Variants in HAUS6 observed in about 807,000 individuals in gnomAD.
HAUS6 encodes the protein HAUS augmin-like complex subunit 6.
Under a neutral mutation model 106.8 loss-of-function variants are expected in HAUS6, and 80 were observed. The observed-to-expected ratio is 0.75, with a 90% CI of 0.63 to 0.90. The LOEUF is 0.90. Among genes scored for constraint, HAUS6 ranks in the 40% least tolerant of loss-of-function variants. The pLI is 0.00. For missense variants in HAUS6, 1,155 were observed against 1,118.1 expected, an observed-to-expected ratio of 1.03 and a Z score of -0.47; for synonymous variants, 356 against 379.1, an observed-to-expected ratio of 0.94 and a Z score of 0.71.
Position 19,096,693 on chromosome 9 carries a change from G to T in HAUS6, c.205C>A (p.Leu69Ile). The T allele has an allele frequency of 6.7e-7, 1 of 1,488,702 alleles. No individual in the cohort carries two copies. The highest frequency in any genetic ancestry group is 9.1e-7 in the Non-Finnish European group (1 of 1,093,016). The allele number at this position is 1,488,702 out of a possible 1,614,324, so 92.2% of individuals were successfully genotyped here. A position where few individuals can be genotyped will look rare whatever the true frequency, so the allele number is the denominator to read the frequency against. ...CCTTACTTGAAAACTTCTTTGGTGA[G>T]AGACTGGTCCAGAACTTGAAACAAA... ...YFLFQVLDQS[L>I]TKEVFKFCWP... is the part of the protein sequence containing the mutation. The change falls in exon 2 of 17, where the codon CTC (leucine) becomes ATC (isoleucine). Residue 69 changes from leucine to isoleucine, a missense_variant. By Grantham distance (5) the Leu-to-Ile change is conservative (BLOSUM62 2). Around this residue, in one of 3 missense-constraint regions of HAUS6, gnomAD observed 761 missense variants for 690.0 expected, o/e 1.10. Coordinates refer to ENST00000380502, the MANE Select transcript of HAUS6 (RefSeq NM_017645.5).
chr9:19,082,726 G>A, intron 8 of HAUS6, 147 bp downstream of exon 8: 1 of 474,174 alleles, frequency 2.1e-6, no homozygotes, highest in East Asian at 3.7e-5. Flanking sequence ...ACTCCAGCCT[G>A]GGCAATAAGA....
chr9:19,077,857 T>C (rs1837045085), intron 10 of HAUS6, among the ~76,000 whole-genome samples: 2 of 151,954 alleles, frequency 1.3e-5, no homozygotes, highest in South Asian at 4.1e-4. Flanking sequence ...GCCCAGGAGT[T>C]TGAGACCAGC....
At chr9:19,092,178 C>A (rs1477473361) in intron 4 of HAUS6, among the ~76,000 whole-genome samples, 2 of 151,716 alleles carry the variant, frequency 1.3e-5, no homozygotes. Flanking sequence ...CAGTTGTCGC[C>A]GGGCACGGTG....
intron 9 of HAUS6, among the ~76,000 whole-genome samples, chr9:19,079,363 C>T (rs1348491535): frequency 1.3e-5 from 2 of 151,118 alleles, no homozygotes; most frequent in Non-Finnish European, 2.9e-5. Context: ...TACTAAGTAG[C>T]TGGGATTACA....
chr9:19,061,430 C>T (rs1252851491), intron 14 of HAUS6, among the ~76,000 whole-genome samples: 1 of 152,094 alleles, frequency 6.6e-6, no homozygotes, highest in East Asian at 1.9e-4. Flanking sequence ...GTAAAAAATA[C>T]TAACCATCTT....
intron 9 of HAUS6, among the ~76,000 whole-genome samples, chr9:19,078,518 T>G (rs1837061906): frequency 6.6e-6 from 1 of 152,154 alleles, no homozygotes; most frequent in African/African-American, 2.4e-5. Flanking sequence ...CCGGGGGCAG[T>G]GTCTCATGCC....
chr9:19,080,401 C>A, intron 9 of HAUS6, 78 bp downstream of exon 9: 1 of 841,190 alleles, frequency 1.2e-6, no homozygotes, highest in South Asian at 1.4e-5. Context: ...AGCTGAAGAG[C>A]TATTAAACTT....
At chr9:19,057,598 A>T (rs1423104158) in intron 16 of HAUS6, 2 of 242,834 alleles carry the variant, frequency 8.2e-6, no homozygotes, top group East Asian at 1.6e-4. Context: ...CCACCCCCAG[A>T]TATTACACCA....
At chr9:19,087,228 T>C (rs1837319946) in intron 5 of HAUS6, 72 bp from the exon 6 acceptor site, 1 of 866,654 alleles carries the variant, frequency 1.2e-6, no homozygotes, top group Non-Finnish European at 2.0e-6. Flanking sequence ...TTCTCTATTT[T>C]CCCTTTGCAT....
intron 5 of HAUS6, among the ~76,000 whole-genome samples, chr9:19,089,100 G>C (rs10114769): frequency 0.15 from 23,437 of 151,834 alleles, 2,292 homozygotes; most frequent in African/African-American, 0.28. Context: ...AAAATTAGCT[G>C]GGCATGGTGG....
At position 19,056,338 on chromosome 9, in the gene HAUS6, C is replaced by A. The variant is rs766966694; in HGVS notation, c.*5G>T. 3.0e-6 allele frequency: 4 copies of A among 1,313,834 alleles called. No homozygotes were observed. Among genetic ancestry groups the A allele is most frequent in the Non-Finnish European group, 4.4e-6 (4 of 908,184 alleles). The allele number at this position is 1,313,834 out of a possible 1,614,324, so 81.4% of individuals were successfully genotyped here. A position where few individuals can be genotyped will look rare whatever the true frequency, so the allele number is the denominator to read the frequency against. On this transcript the variant is annotated 3_prime_UTR_variant, in exon 17 of 17. Coordinates refer to ENST00000380502, the MANE Select transcript of HAUS6 (RefSeq NM_017645.5). ...GCATCATAGTTATATTAAATGGGTA[C>A]GTCTTCATCTTGTCAAGTCAGACGG...
At chr9:19,093,724 C>G (rs1249874815) in intron 3 of HAUS6, among the ~76,000 whole-genome samples, 3 of 152,048 alleles carry the variant, frequency 2.0e-5, no homozygotes, top group African/African-American at 7.2e-5. Context: ...CAAAAGTTAT[C>G]TGGGCATGGT....
At chr9:19,057,388 G>C (rs1239040274) in intron 16 of HAUS6, 1 of 152,328 alleles carries the variant, frequency 6.6e-6, no homozygotes, top group Non-Finnish European at 1.5e-5. Flanking sequence ...GGCTAGAAGA[G>C]GCAAAGAAGG....
intron 7 of HAUS6, among the ~76,000 whole-genome samples, chr9:19,085,991 T>TAAAA (rs3085526): frequency 6.9e-6 from 1 of 145,762 alleles, no homozygotes; most frequent in Non-Finnish European, 1.5e-5. Flanking sequence ...CTATGAGTTT[T>TAAAA]AAAAAAAAAA....
At chr9:19,072,648 T>C (rs181768245) in intron 11 of HAUS6, among the ~76,000 whole-genome samples, 181 of 152,266 alleles carry the variant, frequency 1.2e-3, no homozygotes, top group African/African-American at 3.5e-3. Flanking sequence ...TATATCCAAC[T>C]AAACTATCAT....
intron 7 of HAUS6, among the ~76,000 whole-genome samples, chr9:19,084,010 G>A (rs938688075): frequency 1.5e-5 from 2 of 136,512 alleles, no homozygotes; most frequent in South Asian, 4.6e-4. Context: ...CAGCTACTCA[G>A]AAGGCTGAGG....
rs2131087887 is a variant in HAUS6 at position 19,053,377 on chromosome 9, G to A, written c.*2966C>T. The A allele has an allele frequency of 6.6e-6, 1 of 151,744 alleles. No homozygotes were observed. The highest frequency in any genetic ancestry group is 1.9e-4 in the East Asian group (1 of 5,190). The allele number at this position is 151,744 out of a possible 1,614,324, so 9.4% of individuals were successfully genotyped here. A position where few individuals can be genotyped will look rare whatever the true frequency, so the allele number is the denominator to read the frequency against. ...TTTAATTTTAGTACTCTCACAGTAGGAAGATAATAGTCTGCTTTTACACAG... is the reference window on the plus strand; with the variant it reads ...TTTAATTTTAGTACTCTCACAGTAGAAAGATAATAGTCTGCTTTTACACAG... On this transcript the variant is annotated 3_prime_UTR_variant, in exon 17 of 17. Coordinates refer to ENST00000380502, the MANE Select transcript of HAUS6 (RefSeq NM_017645.5).
chr9:19,086,672 G>A, intron 7 of HAUS6, 62 bp downstream of exon 7: 2 of 732,282 alleles, frequency 2.7e-6, no homozygotes, highest in South Asian at 1.6e-5. Flanking sequence ...CACTAATTAA[G>A]CAAACACTGC....
chr9:19,083,798 T>A (rs1446229474), intron 7 of HAUS6, among the ~76,000 whole-genome samples: 4 of 84,162 alleles, frequency 4.8e-5, no homozygotes, highest in East Asian at 5.1e-4. Context: ...CAAGACTCCA[T>A]CTCAAAAAAA....
Sources: allele counts gnomAD v4.1 joint callset (sites outside exome capture counted in the v4.1 genomes callset), GRCh38; gene constraint gnomAD v4.1.1; regional missense constraint gnomAD v4.1.1; transcripts MANE v1.5; gene names NCBI Gene and HGNC (gene_info 2026-07-23, HGNC 2026-07-21).